The following GNPTAB variants were observed in gnomAD, a reference collection of about 807,000 sequenced individuals.
The protein encoded by GNPTAB is N-acetylglucosamine-1-phosphotransferase subunits alpha/beta.
GNPTAB carries 92 observed loss-of-function variants against 136.6 expected under a neutral mutation model. The observed-to-expected ratio is 0.67, with a 90% CI of 0.57 to 0.80. The LOEUF is 0.80. Ranked by LOEUF, GNPTAB falls within the 30% of genes least tolerant of loss-of-function variation. GNPTAB has a pLI of 0.00. For synonymous variants in GNPTAB, 512 were observed against 535.1 expected (o/e 0.96, Z 0.60); for missense variants, 1,343 against 1,501.8 (o/e 0.89, Z 1.75).
chr12:101,760,781 C>CT (rs879535763), intron 15 of GNPTAB, among the ~76,000 whole-genome samples: 15,779 of 137,170 alleles, frequency 0.12, 989 homozygotes, highest in Middle Eastern at 0.21. Flanking sequence ...ATTTTCTTTT[C>CT]TTTTTTTTTT....
rs73394422 is a variant in GNPTAB at position 101,797,279 on chromosome 12, G to A, written c.118-517C>T. On this transcript the variant is annotated intron_variant, in intron 1 of 20. Coordinates refer to ENST00000299314, the MANE Select transcript of GNPTAB (RefSeq NM_024312.5). ...GGATTTTAAGGCAGTTACAGAATCC[G>A]TCTAAAGTTTAGGAAAGACTCTTCT... 3.8e-3 allele frequency among the ~76,000 whole-genome samples: 572 copies of A among 152,086 alleles called. 5 individuals carry two copies. The highest frequency in any genetic ancestry group is 0.013 in the African/African-American group (520 of 41,482).
chr12:101,810,732 T>C lies in GNPTAB; in HGVS notation c.118-13970A>G, dbSNP rs140950799. 8.0e-5 allele frequency: 12 copies of C among 150,802 alleles called. No homozygotes were observed. The East Asian group carries it at 2.3e-3, about 29-fold the overall frequency. 9.3% of individuals were successfully genotyped at this position (150,802 alleles called of 1,614,324 possible). On this transcript the variant is annotated intron_variant, in intron 1 of 20. Coordinates refer to ENST00000299314, the MANE Select transcript of GNPTAB (RefSeq NM_024312.5). ...TTTCAGACTGACACTAAAAGTATTA[T>C]TTAAAAAAAAAAAAGGAAAAATAGG...
intron 5 of GNPTAB, 29 bp from the exon 6 acceptor site, chr12:101,780,650 C>T (rs575764520): frequency 5.0e-6 from 7 of 1,413,558 alleles, no homozygotes; most frequent in South Asian, 1.2e-5. Flanking sequence ...TAAACAAGCA[C>T]ATTTTTAATG....
At chr12:101,796,097 A>G in intron 2 of GNPTAB, 13 of 628,058 alleles carry the variant, frequency 2.1e-5, no homozygotes, top group South Asian at 2.0e-4. Flanking sequence ...GTAAGCAGCA[A>G]GAGTGACCAA....
chr12:101,756,424 T>TTAA (rs1404808318), intron 18 of GNPTAB: 1 of 349,828 alleles, frequency 2.9e-6, no homozygotes, highest in African/African-American at 2.3e-5. Flanking sequence ...AAATACTCCA[T>TTAA]TTTAGCTGGG....
intron 11 of GNPTAB, among the ~76,000 whole-genome samples, chr12:101,767,144 T>C (rs2137120303): frequency 6.6e-6 from 1 of 152,312 alleles, no homozygotes; most frequent in East Asian, 1.9e-4. Context: ...CATTTCCAAA[T>C]CCATTTCTTC....
At chr12:101,765,704 T>C in intron 12 of GNPTAB, 1 of 340,810 alleles carries the variant, frequency 2.9e-6, no homozygotes. Context: ...CATCTTTTTA[T>C]CCATTTGAAA....
intron 4 of GNPTAB, among the ~76,000 whole-genome samples, chr12:101,787,549 T>C (rs893113791): frequency 6.6e-6 from 1 of 152,096 alleles, no homozygotes; most frequent in Admixed American, 6.5e-5. Context: ...TTAAAAACCA[T>C]TTAAAAAACA....
In GNPTAB at chr12:101,770,977, G is replaced by T. The variant is rs553329292; in HGVS notation, c.933+19C>A. Reference sequence around the variant, plus strand: ...TTAACCTTTGATTTGGGCTGTAAAAGCTTCTGTGCATCCCTTACCTGGCTG... The same window carrying T: ...TTAACCTTTGATTTGGGCTGTAAAATCTTCTGTGCATCCCTTACCTGGCTG... On this transcript the variant is annotated intron_variant, in intron 8 of 20. Transcript: ENST00000299314. 16 of 1,611,596 alleles carry T rather than the reference G, an allele frequency of 9.9e-6. No individual in the cohort carries two copies. The African/African-American group carries it at 1.6e-4, about 16-fold the overall frequency.
rs777292254 is a variant in GNPTAB, at chr12:101,753,498, T to C, written c.3476A>G (p.Lys1159Arg). ...CLNDNIDHNH[K>R]DAQTVKAVLR... is the part of the protein sequence containing the mutation. ...AACAGCCTTCACTGTCTGAGCATCT[T>C]TATGATTGTGGTCAATGTTGTCATT... The change falls in exon 19 of 21, where the codon AAA (lysine) becomes AGA (arginine). Residue 1159 changes from lysine (K) to arginine (R), a missense_variant. Transcript: ENST00000299314. The C allele has an allele frequency of 4.3e-6, 7 of 1,614,006 alleles. No homozygotes were observed. The highest frequency in any genetic ancestry group is 5.9e-6 in the Non-Finnish European group (7 of 1,179,902).
intron 4 of GNPTAB, among the ~76,000 whole-genome samples, chr12:101,787,913 C>CAAAAAAAAAAAAAAAAAAA: frequency 7.9e-6 from 1 of 126,918 alleles, no homozygotes; most frequent in Non-Finnish European, 1.6e-5. Flanking sequence ...AACTCCGTCT[C>CAAAAAAAAAAAAAAAAAAA]AAAAAAAAAA....
In GNPTAB at chr12:101,765,101, T is replaced by C; in HGVS notation, c.1816A>G (p.Met606Val). Reference sequence around the variant, plus strand: ...TTAAAATGTATTGTGGTGGCATTCATTCCACTGTGCATTATGAGGTGGATG... The same window carrying C: ...TTAAAATGTATTGTGGTGGCATTCACTCCACTGTGCATTATGAGGTGGATG... Reference protein sequence around the residue: ...KTIHLIMHSGMNATTIHFNLT... With the variant: ...KTIHLIMHSGVNATTIHFNLT... Residue 606 changes from methionine (M) to valine (V), a missense_variant, in exon 13 of 21, where the codon ATG becomes GTG. Met to Val is a conservative substitution (Grantham distance 21, BLOSUM62 1). Coordinates refer to ENST00000299314, the MANE Select transcript of GNPTAB (RefSeq NM_024312.5). The C allele has an allele frequency of 6.2e-7, 1 of 1,614,184 alleles. No individual in the cohort carries two copies. The highest frequency in any genetic ancestry group is 8.5e-7 in the Non-Finnish European group (1 of 1,179,982).
At chr12:101,816,526 T>A (rs1045525704) in intron 1 of GNPTAB, among the ~76,000 whole-genome samples, 1 of 152,144 alleles carries the variant, frequency 6.6e-6, no homozygotes, top group African/African-American at 2.4e-5. Context: ...GTGGCTATTA[T>A]CAAAAAGACA....
chr12:101,754,574 G>A (rs1423409459), intron 18 of GNPTAB, among the ~76,000 whole-genome samples: 1 of 152,002 alleles, frequency 6.6e-6, no homozygotes, highest in African/African-American at 2.4e-5. Context: ...TGCTTACTAT[G>A]TCTCTAACCA....
chr12:101,766,839 C>T (rs1456100188), intron 11 of GNPTAB, among the ~76,000 whole-genome samples: 1 of 152,146 alleles, frequency 6.6e-6, no homozygotes, highest in Non-Finnish European at 1.5e-5. Context: ...GTGCAACCTA[C>T]AAGTACAGGG....
At chr12:101,775,457 T>C (rs1953249626) in intron 7 of GNPTAB, among the ~76,000 whole-genome samples, 1 of 151,890 alleles carries the variant, frequency 6.6e-6, no homozygotes. Context: ...CCTGCTGGGT[T>C]CAAGTGATTC....
rs1297563171 is a variant in GNPTAB at position 101,746,047 on chromosome 12, A to G, written c.*1117T>C. Reference sequence around the variant, plus strand: ...ACTCTGTCTCAAAAACAACAACAACAACAACAACAAAAACTAATTCTCAGT... The same window carrying G: ...ACTCTGTCTCAAAAACAACAACAACGACAACAACAAAAACTAATTCTCAGT... On this transcript the variant is annotated 3_prime_UTR_variant, in exon 21 of 21. Coordinates refer to ENST00000299314, the MANE Select transcript of GNPTAB (RefSeq NM_024312.5). 1 of 152,346 alleles carries G rather than the reference A, an allele frequency of 6.6e-6. No individual in the cohort carries two copies. The highest frequency in any genetic ancestry group is 1.5e-5 in the Non-Finnish European group (1 of 68,190). The allele number at this position is 152,346 out of a possible 1,614,324, so 9.4% of individuals were successfully genotyped here. A position where few individuals can be genotyped will look rare whatever the true frequency, so the allele number is the denominator to read the frequency against.
At chr12:101,762,524 G>C (rs182077260) in intron 13 of GNPTAB, among the ~76,000 whole-genome samples, 1 of 152,062 alleles carries the variant, frequency 6.6e-6, no homozygotes, top group Non-Finnish European at 1.5e-5. Flanking sequence ...ATGTACAAGA[G>C]AATTCACTGC....
rs769838026 is a variant in GNPTAB at position 101,747,175 on chromosome 12, T to C, written c.3760A>G (p.Ile1254Val). Residue 1254 changes from isoleucine (I) to valine (V), a missense_variant, in exon 21 of 21, where the codon ATC (isoleucine) becomes GTC (valine). Ile to Val is a conservative substitution (Grantham distance 29). Transcript: ENST00000299314. ...CAAATGAAGATCTTCTATACTCTGA[T>C]TCGATTGGGACTAGCTTCTTTGTGT... is the stretch of plus-strand genomic sequence containing the variant. Reference protein sequence around the residue: ...RIHKEASPNRIRV With the variant: ...RIHKEASPNRVRV The C allele has an allele frequency of 1.3e-6, 2 of 1,574,508 alleles. No homozygotes were observed. The highest frequency in any genetic ancestry group is 1.7e-6 in the Non-Finnish European group (2 of 1,143,828).
Sources: allele counts gnomAD v4.1 joint callset (sites outside exome capture counted in the v4.1 genomes callset), GRCh38; gene constraint gnomAD v4.1.1; transcripts MANE v1.5; gene names NCBI Gene and HGNC (gene_info 2026-07-23, HGNC 2026-07-21).